The following DLGAP2 variants were observed in gnomAD, a reference collection of about 807,000 sequenced individuals.
DLGAP2 encodes the protein DLG associated protein 2, also known as disks large-associated protein 2.
A neutral mutation model predicts 100.3 loss-of-function variants in DLGAP2; 26 were observed. The ratio of observed to expected loss-of-function variants is 0.26; its 90% CI spans 0.19 to 0.36. The LOEUF (loss-of-function observed/expected upper bound fraction) is 0.36. Ranked by LOEUF, DLGAP2 falls within the 10% of genes least tolerant of loss-of-function variation. The pLI, the probability that DLGAP2 is intolerant of heterozygous loss-of-function variation, is 1.00. For synonymous variants in DLGAP2, 886 were observed against 630.1 expected, an observed-to-expected ratio of 1.41 and a Z score of -6.08; for missense variants, 1,858 against 1,453.2, an observed-to-expected ratio of 1.28 and a Z score of -4.53.
rs1799695707 is a variant in DLGAP2, at chr8:1,705,995, C to T, written c.*4589C>T. The T allele has an allele frequency of 6.6e-6, 1 of 152,202 alleles. No homozygotes were observed. The highest frequency in any genetic ancestry group is 6.5e-5 in the Admixed American group (1 of 15,278). 9.4% of individuals were successfully genotyped at this position (152,202 alleles called of 1,614,324 possible). On this transcript the variant is annotated 3_prime_UTR_variant, in exon 15 of 15. Transcript: ENST00000637795. ...AGGGCCATGTGGCAGCCATGACACA[C>T]ACCACATAAGGTCAGCTCAGAGCCC...
At chr8:1,151,959 T>G (rs1354294525) in intron 2 of DLGAP2, among the ~76,000 whole-genome samples, 1 of 152,262 alleles carries the variant, frequency 6.6e-6, no homozygotes, top group Non-Finnish European at 1.5e-5. Context: ...GAATACATGT[T>G]GGTTCCCACA....
intron 2 of DLGAP2, among the ~76,000 whole-genome samples, chr8:918,651 G>T (rs180988459): frequency 8.5e-5 from 13 of 152,316 alleles, no homozygotes; most frequent in African/African-American, 3.1e-4. Flanking sequence ...AGTTGCTGTG[G>T]ATTTGTTTCT....
chr8:1,161,678 G>A (rs1272174695), intron 2 of DLGAP2, among the ~76,000 whole-genome samples: 1 of 152,180 alleles, frequency 6.6e-6, no homozygotes, highest in Non-Finnish European at 1.5e-5. Flanking sequence ...CCTACCTAGG[G>A]CTCACACCAG....
At chr8:1,539,466 C>G (rs376276296) in intron 4 of DLGAP2, among the ~76,000 whole-genome samples, 20 of 152,044 alleles carry the variant, frequency 1.3e-4, no homozygotes, top group African/African-American at 4.6e-4. Flanking sequence ...GATAACAAGC[C>G]CATCCCCACG....
intron 4 of DLGAP2, among the ~76,000 whole-genome samples, chr8:1,507,514 G>A (rs982530968): frequency 1.7e-4 from 26 of 151,830 alleles, no homozygotes; most frequent in African/African-American, 5.3e-4. Flanking sequence ...CTCCCTCCAC[G>A]CCTCCCCGCA....
In DLGAP2 at chr8:1,626,771, C is replaced by T. The variant is rs761115101; in HGVS notation, c.1474C>T (p.Pro492Ser). The change falls in exon 7 of 15, where the codon CCT becomes TCT. Residue 492 changes from proline to serine, a missense_variant. By Grantham distance (74) the Pro-to-Ser change is moderately conservative. Transcript: ENST00000637795. ...QTYLQAASDVPVGHSLDPAAN... is the reference protein window; with the variant it reads ...QTYLQAASDVSVGHSLDPAAN... Reference sequence around the variant, plus strand: ...CTACCTGCAAGCTGCAAGCGATGTGCCTGTGGGACACAGCCTGGACCCCGC... The same window carrying T: ...CTACCTGCAAGCTGCAAGCGATGTGTCTGTGGGACACAGCCTGGACCCCGC... The T allele has an allele frequency of 1.9e-5, 31 of 1,603,994 alleles. No homozygotes were observed. Among genetic ancestry groups the T allele is most frequent in the Middle Eastern group, 1.7e-4 (1 of 6,060 alleles).
intron 4 of DLGAP2, among the ~76,000 whole-genome samples, chr8:1,529,729 G>T (rs998814323): frequency 6.6e-6 from 1 of 152,204 alleles, no homozygotes; most frequent in Non-Finnish European, 1.5e-5. Flanking sequence ...CAGGGAACCT[G>T]CCCCGATATT....
chr8:833,067 C>T (rs1158919384), intron 1 of DLGAP2, among the ~76,000 whole-genome samples: 1 of 152,218 alleles, frequency 6.6e-6, no homozygotes, highest in Admixed American at 6.5e-5. Flanking sequence ...CCATCATCCC[C>T]ATGAGCAGCA....
intron 3 of DLGAP2, among the ~76,000 whole-genome samples, chr8:1,454,014 G>T (rs901959812): frequency 2.0e-5 from 3 of 152,244 alleles, no homozygotes; most frequent in Non-Finnish European, 4.4e-5. Context: ...CCAGGCAGTG[G>T]GATCCGCTGA....
intron 6 of DLGAP2, among the ~76,000 whole-genome samples, chr8:1,571,511 A>G (rs1427460010): frequency 5.1e-4 from 27 of 53,118 alleles, no homozygotes; most frequent in South Asian, 6.9e-4. Flanking sequence ...GGTGAACTGG[A>G]GGGTTGTCTT....
At chr8:1,225,454 A>T (rs190917563) in intron 2 of DLGAP2, among the ~76,000 whole-genome samples, 1 of 152,212 alleles carries the variant, frequency 6.6e-6, no homozygotes, top group East Asian at 1.9e-4. Flanking sequence ...GTCACTTACT[A>T]GGGTGGGGTT....
chr8:900,213 G>C, intron 1 of DLGAP2, among the ~76,000 whole-genome samples: 1 of 151,452 alleles, frequency 6.6e-6, no homozygotes, highest in East Asian at 2.0e-4. Context: ...GTCGCTCCCG[G>C]GCGGACGGTG....
At position 870,982 on chromosome 8, in the gene DLGAP2, C is replaced by G. The variant is rs1344372729; in HGVS notation, c.19-36930C>G. Among the ~76,000 whole-genome samples the G allele has an allele frequency of 5.3e-5, 8 of 152,278 alleles. No homozygotes were observed. The East Asian group carries it at 7.7e-4, about 15-fold the overall frequency. On this transcript the variant is annotated intron_variant, in intron 1 of 14. Coordinates refer to ENST00000637795, the MANE Select transcript of DLGAP2 (RefSeq NM_001346810.2). ...GTGGTAGACGTATCTGGCACCTGAG[C>G]TCAACATTTTCCTTCCCCTGGTTCT...
intron 2 of DLGAP2, among the ~76,000 whole-genome samples, chr8:1,095,957 T>C (rs1184913214): frequency 6.6e-6 from 1 of 152,202 alleles, no homozygotes; most frequent in Non-Finnish European, 1.5e-5. Context: ...CTAACAATTT[T>C]AGAGAACTGA....
chr8:809,872 T>A (rs967124822), intron 1 of DLGAP2, among the ~76,000 whole-genome samples: 2 of 152,228 alleles, frequency 1.3e-5, no homozygotes, highest in Non-Finnish European at 2.9e-5. Flanking sequence ...GAAGTACCAG[T>A]CTGTCGTCCG....
In DLGAP2 at chr8:1,618,058, G is replaced by A. The variant is rs759861304; in HGVS notation, c.1443-8682G>A. 1.0e-3 allele frequency among the ~76,000 whole-genome samples: 159 copies of A among 152,164 alleles called. 4 individuals carry two copies. Among genetic ancestry groups the A allele is most frequent in the Non-Finnish European group, 2.4e-4 (16 of 68,034 alleles). On this transcript the variant is annotated intron_variant, in intron 6 of 14. Coordinates refer to ENST00000637795, the MANE Select transcript of DLGAP2 (RefSeq NM_001346810.2). ...AGATGAGATAAAACACGAGGATGCC[G>A]ACTCTCAGCTCCTCTACTTAACATT...
At chr8:1,518,027 C>T (rs1563197537) in intron 4 of DLGAP2, among the ~76,000 whole-genome samples, 1 of 152,196 alleles carries the variant, frequency 6.6e-6, no homozygotes, top group Non-Finnish European at 1.5e-5. Flanking sequence ...GAAATGACAT[C>T]TGTAGAAAAA....
intron 2 of DLGAP2, among the ~76,000 whole-genome samples, chr8:1,086,775 T>C (rs1056942477): frequency 6.6e-6 from 1 of 152,128 alleles, no homozygotes; most frequent in African/African-American, 2.4e-5. Flanking sequence ...GTGAAAAGGA[T>C]CTAAAGGTAG....
At chr8:975,394 A>C (rs749449940) in intron 2 of DLGAP2, among the ~76,000 whole-genome samples, 4 of 152,238 alleles carry the variant, frequency 2.6e-5, no homozygotes, top group Non-Finnish European at 4.4e-5. Flanking sequence ...ATAATTCTAT[A>C]AAATTATTTA....
Sources: allele counts gnomAD v4.1 joint callset (sites outside exome capture counted in the v4.1 genomes callset), GRCh38; gene constraint gnomAD v4.1.1; transcripts MANE v1.5; gene names NCBI Gene and HGNC (gene_info 2026-07-23, HGNC 2026-07-21).